Variants in ALX4 observed in about 807,000 individuals in gnomAD.
The protein encoded by ALX4 is ALX homeobox 4.
A neutral mutation model predicts 40.6 loss-of-function variants in ALX4; 22 were observed. The ratio of observed to expected loss-of-function variants is 0.54; its 90% confidence interval spans 0.39 to 0.77. The LOEUF is 0.77. ALX4 is among the 30% of genes least tolerant of loss of function. The pLI is 0.00. For missense variants in ALX4, 556 were observed against 564.8 expected (o/e 0.98, Z 0.16); for synonymous variants, 266 against 240.5 (o/e 1.11, Z -0.98).
At chr11:44,307,130 C>T (rs552179574) in intron 1 of ALX4, among the ~76,000 whole-genome samples, 77 of 126,922 alleles carry the variant, frequency 6.1e-4, no homozygotes, top group Non-Finnish European at 8.4e-4. Flanking sequence ...GAGTTCCCAG[C>T]GGCTCGGAGA....
At chr11:44,281,338 T>C (rs1397151979) in intron 1 of ALX4, among the ~76,000 whole-genome samples, 2 of 152,058 alleles carry the variant, frequency 1.3e-5, no homozygotes, top group Admixed American at 1.3e-4. Context: ...GTGGGATGTG[T>C]GTCCCCGTGG....
chr11:44,272,504 A>T (rs146167017), intron 2 of ALX4, among the ~76,000 whole-genome samples: 1 of 28,638 alleles, frequency 3.5e-5, no homozygotes, highest in Admixed American at 5.0e-4. Flanking sequence ...ACTCTGTCTA[A>T]AAAAAAAAAA....
intron 1 of ALX4, among the ~76,000 whole-genome samples, chr11:44,306,187 G>T (rs1293067661): frequency 6.6e-6 from 1 of 152,174 alleles, no homozygotes; most frequent in Non-Finnish European, 1.5e-5. Context: ...TCGTAAAAAC[G>T]CGGTCTCCGC....
intron 1 of ALX4, 122 bp downstream of exon 1, chr11:44,309,475 C>A: frequency 1.3e-6 from 2 of 1,487,512 alleles, no homozygotes; most frequent in Non-Finnish European, 1.8e-6. Context: ...GTTTACCGAC[C>A]AGAGTCACCA....
chr11:44,304,001 C>A (rs534966361), intron 1 of ALX4, among the ~76,000 whole-genome samples: 13 of 152,314 alleles, frequency 8.5e-5, no homozygotes, highest in African/African-American at 3.1e-4. Flanking sequence ...GAGAAGACCC[C>A]GGTTGCAGCT....
At chr11:44,303,300 G>T (rs1007373890) in intron 1 of ALX4, among the ~76,000 whole-genome samples, 59 of 152,168 alleles carry the variant, frequency 3.9e-4, no homozygotes, top group Non-Finnish European at 6.9e-4. Context: ...GCAAGCACTG[G>T]CTCCCTCTCT....
chr11:44,276,359 ACT>A (rs147277726), intron 1 of ALX4, among the ~76,000 whole-genome samples: 8,241 of 152,232 alleles, frequency 0.054, 318 homozygotes, highest in African/African-American at 0.096. Flanking sequence ...GCTCCTGCCC[ACT>A]GTTTACTGAG....
intron 1 of ALX4, among the ~76,000 whole-genome samples, chr11:44,291,338 C>A (rs543879281): frequency 5.9e-5 from 9 of 152,208 alleles, no homozygotes; most frequent in African/African-American, 2.2e-4. Flanking sequence ...ACTCGCCCTG[C>A]CTGTTGTCAC....
At chr11:44,267,758 A>C in intron 2 of ALX4, 136 bp from the exon 3 acceptor site, 1 of 1,214,256 alleles carries the variant, frequency 8.2e-7, no homozygotes, top group South Asian at 1.2e-5. Context: ...CCACACATAA[A>C]TATCAACCTT....
At chr11:44,308,112 G>A (rs1956480161) in intron 1 of ALX4, among the ~76,000 whole-genome samples, 2 of 152,200 alleles carry the variant, frequency 1.3e-5, no homozygotes, top group Non-Finnish European at 2.9e-5. Context: ...TGTCCTATGG[G>A]TTTGGGAGTA....
intron 1 of ALX4, among the ~76,000 whole-genome samples, chr11:44,303,203 G>C (rs1180164386): frequency 1.3e-5 from 2 of 152,104 alleles, no homozygotes; most frequent in African/African-American, 4.8e-5. Flanking sequence ...GTCCCTCTAC[G>C]AGGTGCGTGG....
chr11:44,277,209 G>A (rs1437508896), intron 1 of ALX4, among the ~76,000 whole-genome samples: 1 of 152,194 alleles, frequency 6.6e-6, no homozygotes, highest in African/African-American at 2.4e-5. Context: ...CACATTTCTA[G>A]TCTGGACTTG....
chr11:44,309,921 G>A lies in ALX4; in HGVS notation c.142C>T (p.Leu48=), dbSNP rs1451266644. The A allele has an allele frequency of 6.3e-7, 1 of 1,592,132 alleles. No homozygotes were observed. Among genetic ancestry groups the A allele is most frequent in the South Asian group, 1.1e-5 (1 of 87,818 alleles). The change falls in exon 1 of 4, where the codon CTG becomes TTG. Residue 48 remains leucine (L), a synonymous_variant. Transcript: ENST00000652299. ...CCCTGTGCTTTGGCGGCGGCCGACAGGAAAGTTGTGCCGAACTTGTCGCCT... is the reference window on the plus strand; with the variant it reads ...CCCTGTGCTTTGGCGGCGGCCGACAAGAAAGTTGTGCCGAACTTGTCGCCT... ...PGGDKFGTTF[L]SAAAKAQGFG...
chr11:44,281,847 G>C (rs1019444132), intron 1 of ALX4, among the ~76,000 whole-genome samples: 5 of 152,148 alleles, frequency 3.3e-5, no homozygotes, highest in African/African-American at 9.7e-5. Flanking sequence ...CAGCACACAT[G>C]CACGGGGCAC....
chr11:44,275,741 C>G (rs914437943), intron 1 of ALX4, 83 bp from the exon 2 acceptor site: 17 of 1,352,990 alleles, frequency 1.3e-5, no homozygotes, highest in South Asian at 9.6e-5. Flanking sequence ...GTGGGGCACT[C>G]GGGTAGCCAC....
chr11:44,306,228 C>A (rs1239482011), intron 1 of ALX4, among the ~76,000 whole-genome samples: 3 of 152,248 alleles, frequency 2.0e-5, no homozygotes, highest in Non-Finnish European at 4.4e-5. Flanking sequence ...CCGCCTTAAT[C>A]GTCGTTCTTT....
At chr11:44,290,084 C>G (rs1001451915) in intron 1 of ALX4, among the ~76,000 whole-genome samples, 1 of 152,188 alleles carries the variant, frequency 6.6e-6, no homozygotes, top group Non-Finnish European at 1.5e-5. Flanking sequence ...GCATCCAGCC[C>G]TGTGGTCTGT....
chr11:44,282,677 G>T (rs1168164732), intron 1 of ALX4, among the ~76,000 whole-genome samples: 2 of 152,212 alleles, frequency 1.3e-5, no homozygotes, highest in Non-Finnish European at 2.9e-5. Context: ...TGACATGGAT[G>T]AATCTGAAAG....
intron 1 of ALX4, among the ~76,000 whole-genome samples, chr11:44,295,102 C>T (rs1181642321): frequency 3.3e-5 from 5 of 152,142 alleles, no homozygotes; most frequent in East Asian, 1.9e-4. Flanking sequence ...CCACCTGCCT[C>T]GGCCTCCCAA....
Sources: allele counts gnomAD v4.1 joint callset (sites outside exome capture counted in the v4.1 genomes callset), GRCh38; gene constraint gnomAD v4.1.1; transcripts MANE v1.5; gene names NCBI Gene and HGNC (gene_info 2026-07-23, HGNC 2026-07-21).